TLN2: variants seen among roughly 807,000 people sequenced by gnomAD.
TLN2 encodes talin 2.
A neutral mutation model predicts 294.7 loss-of-function variants in TLN2; 118 were observed. That is an observed-to-expected ratio of 0.40 (90% CI 0.34 to 0.47). The LOEUF is 0.47. TLN2 is among the 20% of genes least tolerant of loss of function. The pLI is 0.84. For synonymous variants in TLN2, 1,431 were observed against 1,304.5 expected (o/e 1.10, Z -2.09); for missense variants, 3,083 against 3,282.2 (o/e 0.94, Z 1.48).
chr15:62,766,189 G>T (rs936202733), intron 40 of TLN2, 132 bp from the exon 41 acceptor site: 1 of 672,924 alleles, frequency 1.5e-6, no homozygotes, highest in Non-Finnish European at 2.5e-6. Flanking sequence ...GCAGTGGCTT[G>T]ATGGCACACA....
chr15:62,836,090 C>G lies in TLN2; in HGVS notation c.7374+17C>G, dbSNP rs1318952041. The G allele has an allele frequency of 6.3e-7, 1 of 1,597,996 alleles. No individual in the cohort carries two copies. The highest frequency in any genetic ancestry group is 8.5e-7 in the Non-Finnish European group (1 of 1,172,842). Reference sequence around the variant, plus strand: ...CGGCTACAGGTAATGGTCACTGATGCTGGTGGGAAAATACTCCTGTTGGAG... The same window carrying G: ...CGGCTACAGGTAATGGTCACTGATGGTGGTGGGAAAATACTCCTGTTGGAG... On this transcript the variant is annotated intron_variant, in intron 57 of 58. Transcript: ENST00000636159.
intron 1 of TLN2, among the ~76,000 whole-genome samples, chr15:62,440,635 C>G (rs1291779791): frequency 6.6e-6 from 1 of 152,142 alleles, no homozygotes; most frequent in Admixed American, 6.5e-5. Flanking sequence ...TCTCTTATAC[C>G]CCTATCCCTG....
chr15:62,657,091 G>T (rs1567279355), intron 8 of TLN2, among the ~76,000 whole-genome samples: 1 of 150,240 alleles, frequency 6.7e-6, no homozygotes. Context: ...TAGAGTGATA[G>T]CTTGGAGTGT....
intron 1 of TLN2, among the ~76,000 whole-genome samples, chr15:62,488,856 G>A (rs2038551232): frequency 6.6e-6 from 1 of 152,122 alleles, no homozygotes; most frequent in Non-Finnish European, 1.5e-5. Context: ...TACACATGCC[G>A]TGAATGGTTA....
chr15:62,555,947 T>C (rs1212652077), intron 1 of TLN2, among the ~76,000 whole-genome samples: 3 of 151,390 alleles, frequency 2.0e-5, no homozygotes, highest in South Asian at 2.1e-4. Context: ...TTTTTTTTTT[T>C]TTTTGGTCAT....
intron 1 of TLN2, among the ~76,000 whole-genome samples, chr15:62,448,279 C>T (rs1010732841): frequency 7.2e-5 from 11 of 152,192 alleles, no homozygotes; most frequent in Admixed American, 5.9e-4. Context: ...GGCCTAATTC[C>T]GTATAGCTGC....
intron 1 of TLN2, among the ~76,000 whole-genome samples, chr15:62,411,153 G>T (rs150660288): frequency 3.1e-4 from 47 of 152,220 alleles, no homozygotes; most frequent in African/African-American, 1.1e-3. Flanking sequence ...TGTGGACCGA[G>T]GCATTAAAAC....
intron 2 of TLN2, among the ~76,000 whole-genome samples, chr15:62,609,219 AAAG>A (rs1471386082): frequency 6.6e-6 from 1 of 152,232 alleles, no homozygotes; most frequent in African/African-American, 2.4e-5. Context: ...ATACAGCACA[AAAG>A]AAGGTTTCTG....
chr15:62,538,826 G>A (rs2041509097), intron 1 of TLN2, among the ~76,000 whole-genome samples: 1 of 152,064 alleles, frequency 6.6e-6, no homozygotes, highest in South Asian at 2.1e-4. Flanking sequence ...CAATTTCTAA[G>A]AACAAATGGA....
chr15:62,686,738 A>AG lies in TLN2; in HGVS notation c.1057dup (p.Glu353GlyfsTer48). 1 of 1,613,900 alleles carries AG rather than the reference A, an allele frequency of 6.2e-7. No homozygotes were observed. Among genetic ancestry groups the AG allele is most frequent in the Non-Finnish European group, 8.5e-7 (1 of 1,179,930 alleles). The stretch of plus-strand genomic sequence containing the variant: ...GATGAGAAGACCAAGGAAGTGCTGC[A>AG]GGAGTGGCCCCTCACCACCGTCAAG... On this transcript the variant is annotated frameshift_variant, in exon 12 of 59. Transcript: ENST00000636159. LOFTEE classifies it high-confidence loss of function.
In TLN2 at chr15:62,724,967, T is replaced by G. The variant is rs145742333; in HGVS notation, c.3127-9T>G. ...GACTGGGTATACATATTTCCAACTC[T>G]GTTGGCAGGCCCATGAAGCTTGTGG... On this transcript the variant is annotated splice_polypyrimidine_tract_variant and intron_variant, in intron 26 of 58. Transcript: ENST00000636159. 1.9e-6 allele frequency: 3 copies of G among 1,608,236 alleles called. No homozygotes were observed. In the African/African-American group the frequency reaches 4.0e-5, roughly 21 times the overall value.
At chr15:62,735,186 G>A (rs1191648142) in intron 28 of TLN2, among the ~76,000 whole-genome samples, 1 of 152,180 alleles carries the variant, frequency 6.6e-6, no homozygotes, top group African/African-American at 2.4e-5. Flanking sequence ...CTCAGCACCA[G>A]GCTTCATCTG....
chr15:62,463,564 C>T (rs1400470312), intron 1 of TLN2, among the ~76,000 whole-genome samples: 2 of 152,182 alleles, frequency 1.3e-5, no homozygotes, highest in Non-Finnish European at 2.9e-5. Flanking sequence ...GATACCATCT[C>T]ACGCCAGTTA....
intron 1 of TLN2, among the ~76,000 whole-genome samples, chr15:62,553,976 A>G (rs1317811592): frequency 6.6e-6 from 1 of 151,568 alleles, no homozygotes. Context: ...GCTACAGAAC[A>G]TAACACAGAT....
chr15:62,738,546 G>A (rs1380516115), intron 30 of TLN2, among the ~76,000 whole-genome samples: 1 of 152,172 alleles, frequency 6.6e-6, no homozygotes, highest in Non-Finnish European at 1.5e-5. Flanking sequence ...TTGAGCCCAT[G>A]TTGCCATTTC....
At chr15:62,474,683 G>GT (rs1371673087) in intron 1 of TLN2, among the ~76,000 whole-genome samples, 1 of 152,100 alleles carries the variant, frequency 6.6e-6, no homozygotes, top group African/African-American at 2.4e-5. Context: ...GTAGTGTTTT[G>GT]TTTTTTAAAT....
chr15:62,605,303 G>A (rs537441796), intron 2 of TLN2, among the ~76,000 whole-genome samples: 8 of 152,098 alleles, frequency 5.3e-5, no homozygotes, highest in Non-Finnish European at 8.8e-5. Context: ...AATTGAGTTT[G>A]TTTCCTTATC....
intron 14 of TLN2, among the ~76,000 whole-genome samples, chr15:62,696,962 C>T (rs930390570): frequency 6.6e-6 from 1 of 152,150 alleles, no homozygotes; most frequent in African/African-American, 2.4e-5. Context: ...ATCTGTATCT[C>T]TGATGCCTAG....
intron 54 of TLN2, among the ~76,000 whole-genome samples, chr15:62,825,817 A>AT (rs1491542725): frequency 0.033 from 741 of 22,124 alleles, 23 homozygotes; most frequent in South Asian, 0.14. Flanking sequence ...ATTATATTAT[A>AT]ATATATATTA....
Sources: gnomAD v4.1 joint callset for allele counts (sites outside exome capture counted in the v4.1 genomes callset) on GRCh38, gnomAD v4.1.1 for gene constraint, MANE v1.5 for transcripts, NCBI Gene and HGNC (gene_info 2026-07-23, HGNC 2026-07-21) for gene names.